Variants in DIAPH2 observed in about 807,000 individuals in gnomAD.
DIAPH2 encodes protein diaphanous homolog 2.
DIAPH2 carries 35 observed loss-of-function variants against 92.7 expected under a neutral mutation model. The ratio of observed to expected loss-of-function variants is 0.38; its 90% CI spans 0.29 to 0.50. The LOEUF (loss-of-function observed/expected upper bound fraction) is 0.50. Among genes scored for constraint, DIAPH2 ranks in the 20% least tolerant of loss-of-function variants. The probability of loss-of-function intolerance (pLI) is 0.94; values close to 1 mark genes in which losing one functional copy is unlikely to be tolerated. For synonymous variants in DIAPH2, 301 were observed against 280.4 expected (o/e 1.07, Z -0.73); for missense variants, 701 against 819.5 (o/e 0.86, Z 1.77).
intron 23 of DIAPH2, among the ~76,000 whole-genome samples, chrX:97,328,866 G>A (rs189380446): frequency 0.018 from 1,989 of 110,425 alleles, 21 homozygotes; most frequent in South Asian, 0.03. Context: ...ATTTTCACCC[G>A]CTAATGAATA....
At chrX:97,577,108 T>C (rs1284523313) in intron 26 of DIAPH2, among the ~76,000 whole-genome samples, 1 of 111,935 alleles carries the variant, frequency 8.9e-6, no homozygotes, top group Non-Finnish European at 1.9e-5. Context: ...AATCTAACCA[T>C]ACATATTAAC....
chrX:97,379,591 G>A (rs185658186), intron 24 of DIAPH2, among the ~76,000 whole-genome samples: 858 of 112,030 alleles, frequency 7.7e-3, no homozygotes, highest in Admixed American at 0.015. Context: ...ATAAGTGATG[G>A]AGCTTTGATT....
At chrX:97,132,915 T>C (rs918596784) in intron 21 of DIAPH2, among the ~76,000 whole-genome samples, 1 of 101,989 alleles carries the variant, frequency 9.8e-6, no homozygotes, top group Admixed American at 1.0e-4. Context: ...GATTAGGCAA[T>C]TTTTTTTTTT....
At chrX:97,098,351 T>A (rs776360755) in intron 19 of DIAPH2, among the ~76,000 whole-genome samples, 14 of 111,645 alleles carry the variant, frequency 1.3e-4, no homozygotes, top group Non-Finnish European at 2.4e-4. Flanking sequence ...AAGCAATAAC[T>A]CCCCATACCC....
At chrX:97,292,999 A>C (rs983546636) in intron 23 of DIAPH2, among the ~76,000 whole-genome samples, 8 of 110,910 alleles carry the variant, frequency 7.2e-5, no homozygotes, top group Non-Finnish European at 1.9e-5. Context: ...AGCCAGAATT[A>C]ACTGACAAGT....
intron 22 of DIAPH2, among the ~76,000 whole-genome samples, chrX:97,150,679 T>C (rs1273578712): frequency 8.9e-6 from 1 of 112,075 alleles, no homozygotes; most frequent in Non-Finnish European, 1.9e-5. Context: ...GTTTCCTCCA[T>C]AATACTTTGA....
At chrX:96,901,727 G>T (rs1374209566) in intron 5 of DIAPH2, among the ~76,000 whole-genome samples, 2 of 107,988 alleles carry the variant, frequency 1.9e-5, no homozygotes, top group African/African-American at 3.4e-5. Flanking sequence ...TAGAGACAGG[G>T]TTTCACCATG....
At chrX:96,965,326 C>T in intron 17 of DIAPH2, 119 bp downstream of exon 17, 1 of 358,003 alleles carries the variant, frequency 2.8e-6, no homozygotes, top group Middle Eastern at 9.4e-4. Flanking sequence ...CAGGGTGAAA[C>T]ATAAATAGAT....
chrX:96,799,660 T>C (rs2064566867), intron 4 of DIAPH2, among the ~76,000 whole-genome samples: 1 of 109,721 alleles, frequency 9.1e-6, no homozygotes, highest in African/African-American at 3.3e-5. Flanking sequence ...ATACAAAAAT[T>C]AGCCGGGCAT....
intron 22 of DIAPH2, among the ~76,000 whole-genome samples, chrX:97,150,155 G>C (rs2067276429): frequency 9.0e-6 from 1 of 111,706 alleles, no homozygotes; most frequent in Non-Finnish European, 1.9e-5. Flanking sequence ...AGGAAGATAA[G>C]CTCAGGAAAA....
intron 14 of DIAPH2, among the ~76,000 whole-genome samples, chrX:96,947,442 C>A (rs767669600): frequency 9.0e-6 from 1 of 110,898 alleles, no homozygotes; most frequent in South Asian, 3.9e-4. Context: ...AAAACGAGGT[C>A]ATTGACTGAA....
At chrX:96,939,554 G>A (rs867909680) in intron 12 of DIAPH2, among the ~76,000 whole-genome samples, 172 bp downstream of exon 12, 10 of 51,089 alleles carry the variant, frequency 2.0e-4, no homozygotes, top group African/African-American at 2.5e-4. Flanking sequence ...ATGTATATAT[G>A]TATATATATA....
intron 4 of DIAPH2, among the ~76,000 whole-genome samples, chrX:96,798,968 T>G (rs2064560883): frequency 9.0e-6 from 1 of 111,414 alleles, no homozygotes; most frequent in Non-Finnish European, 1.9e-5. Flanking sequence ...ATAGTTGTTC[T>G]GTGCCCATTC....
At position 96,932,040 on chromosome X, in the gene DIAPH2, G is replaced by GT. The variant is rs372670975; in HGVS notation, c.1089+1207dup. On this transcript the variant is annotated intron_variant, in intron 10 of 26. Transcript: ENST00000324765. ...GTTAGTGTGACATGTGATTATTCTT[G>GT]TTTTTTTTTTCACTAATTTTCTTTT... Among the ~76,000 whole-genome samples, 152 of 105,739 alleles carry GT rather than the reference G, an allele frequency of 1.4e-3. 1 individual carries two copies. In the Middle Eastern group the frequency reaches 0.024, roughly 16 times the overall value. The allele number at this position is 105,739 out of a possible 115,157, so 91.8% of individuals were successfully genotyped here.
At chrX:97,047,882 C>G (rs748399456) in intron 17 of DIAPH2, among the ~76,000 whole-genome samples, 1 of 109,513 alleles carries the variant, frequency 9.1e-6, no homozygotes, top group African/African-American at 3.3e-5. Flanking sequence ...TCTCTGTACC[C>G]CCTTTATATA....
chrX:96,762,995 A>G, intron 4 of DIAPH2: 1 of 558,055 alleles, frequency 1.8e-6, no homozygotes, highest in Non-Finnish European at 2.4e-6. Context: ...CTATTTACTA[A>G]TTTACTAAAC....
intron 4 of DIAPH2, among the ~76,000 whole-genome samples, chrX:96,774,350 T>C (rs915957855): frequency 7.1e-5 from 8 of 111,949 alleles, no homozygotes; most frequent in Admixed American, 1.9e-4. Flanking sequence ...TTTCACCATG[T>C]GCTAGTAGGC....
intron 25 of DIAPH2, among the ~76,000 whole-genome samples, chrX:97,419,546 T>C (rs2069985521): frequency 8.9e-6 from 1 of 111,948 alleles, no homozygotes; most frequent in Non-Finnish European, 1.9e-5. Context: ...CTGGATTTAA[T>C]CACAAGAAAT....
At chrX:97,241,545 G>A (rs1408533574) in intron 22 of DIAPH2, among the ~76,000 whole-genome samples, 3 of 110,679 alleles carry the variant, frequency 2.7e-5, no homozygotes, top group East Asian at 2.9e-4. Flanking sequence ...TGATCCGACC[G>A]CCTCAGCCTC....
Sources: allele counts gnomAD v4.1 joint callset (sites outside exome capture counted in the v4.1 genomes callset), GRCh38; gene constraint gnomAD v4.1.1; transcripts MANE v1.5; gene names NCBI Gene and HGNC (gene_info 2026-07-23, HGNC 2026-07-21).